The following COL27A1 variants were observed in gnomAD, a reference collection of about 807,000 sequenced individuals.
The protein encoded by COL27A1 is collagen type XXVII alpha 1 chain.
COL27A1 carries 106 observed loss-of-function variants against 251.3 expected under a neutral mutation model. The observed-to-expected ratio is 0.42, with a 90% CI of 0.36 to 0.50. The LOEUF is 0.50. Ranked by LOEUF, COL27A1 falls within the 20% of genes least tolerant of loss-of-function variation. The probability of loss-of-function intolerance (pLI) is 0.00; values close to 1 mark genes in which losing one functional copy is unlikely to be tolerated. For synonymous variants in COL27A1, 1,000 were observed against 986.3 expected (o/e 1.01, Z -0.26); for missense variants, 2,325 against 2,522.8 (o/e 0.92, Z 1.68).
Position 114,168,716 on chromosome 9 carries a change from TA to T in COL27A1, c.1162del (p.Thr388ProfsTer70). 6.2e-7 allele frequency: 1 copy of T among 1,614,038 alleles called. No homozygotes were observed. The highest frequency in any genetic ancestry group is 1.1e-5 in the South Asian group (1 of 91,082). ...TTGTGCCCATCAAAAGCCCCCATCC[TA>T]CCCAGAAAACAGCTCCATCTTCATT... Reference protein sequence around the residue: ...SIVPIKSPHPTQKTAPSSFTK... With the variant: ...SIVPIKSPHPXQKTAPSSFTK... On this transcript the variant is annotated frameshift_variant, in exon 3 of 61. Coordinates refer to ENST00000356083, the MANE Select transcript of COL27A1 (RefSeq NM_032888.4). LOFTEE classifies it high-confidence loss of function.
At chr9:114,195,240 C>T (rs1168379973) in intron 6 of COL27A1, among the ~76,000 whole-genome samples, 2 of 152,220 alleles carry the variant, frequency 1.3e-5, no homozygotes, top group African/African-American at 4.8e-5. Context: ...TGGCTGCTTT[C>T]TTTGATTTCC....
intron 36 of COL27A1, chr9:114,273,622 C>T (rs1325964611): frequency 1.3e-5 from 2 of 152,440 alleles, no homozygotes; most frequent in Non-Finnish European, 2.9e-5. Context: ...TGCTCTCTCT[C>T]CTCTGGATGC....
intron 25 of COL27A1, 118 bp from the exon 26 acceptor site, chr9:114,252,475 G>C: frequency 1.2e-6 from 1 of 822,282 alleles, no homozygotes; most frequent in Non-Finnish European, 2.1e-6. Flanking sequence ...ACCCTCTAGA[G>C]ACCTTGAGCA....
At position 114,306,624 on chromosome 9, in the gene COL27A1, C is replaced by T. The variant is rs1421474403; in HGVS notation, c.5043C>T (p.Gly1681=). ...NLIQSIKTPL[G]TKENPARVCR... is the part of the protein sequence containing the mutation. ...TCCAGAGCATTAAGACGCCCCTGGGCACCAAAGAGAACCCCGCCCGGGTCT... is the reference window on the plus strand; with the variant it reads ...TCCAGAGCATTAAGACGCCCCTGGGTACCAAAGAGAACCCCGCCCGGGTCT... The change falls in exon 58 of 61, where the codon GGC becomes GGT. Residue 1681 remains glycine, a synonymous_variant. Transcript: ENST00000356083. 2 of 1,614,054 alleles carry T rather than the reference C, an allele frequency of 1.2e-6. No homozygotes were observed. The highest frequency in any genetic ancestry group is 1.3e-5 in the African/African-American group (1 of 74,924).
At chr9:114,173,078 G>A (rs571462495) in intron 3 of COL27A1, among the ~76,000 whole-genome samples, 7 of 152,374 alleles carry the variant, frequency 4.6e-5, no homozygotes, top group Admixed American at 3.3e-4. Context: ...AGTTGTAGCT[G>A]CTGAGTGAGG....
rs772140061 is a variant in COL27A1, at chr9:114,301,407, G to A, written c.4792-38G>A. 5.0e-6 allele frequency: 8 copies of A among 1,611,950 alleles called. No homozygotes were observed. The South Asian group carries it at 8.8e-5, about 18-fold the overall frequency. ...CAGAGTTGGGCCATGGCTCAGCCAG[G>A]TTCCCTAACTCTCTCCCCTGCTTCT... On this transcript the variant is annotated intron_variant, in intron 53 of 60. Coordinates refer to ENST00000356083, the MANE Select transcript of COL27A1 (RefSeq NM_032888.4).
At chr9:114,308,424 T>C (rs1829212566) in intron 59 of COL27A1, among the ~76,000 whole-genome samples, 1 of 152,240 alleles carries the variant, frequency 6.6e-6, no homozygotes, top group Admixed American at 6.5e-5. Context: ...CCCTAGGAGA[T>C]GCCTTGTGCT....
rs1294896380 is a variant in COL27A1, at chr9:114,311,163, CAAA to C, written c.*471_*473del. 1 of 152,204 alleles carries C rather than the reference CAAA, an allele frequency of 6.6e-6. No homozygotes were observed. Among genetic ancestry groups the C allele is most frequent in the Non-Finnish European group, 1.5e-5 (1 of 68,224 alleles). 9.4% of individuals were successfully genotyped at this position (152,204 alleles called of 1,614,324 possible). On this transcript the variant is annotated 3_prime_UTR_variant, in exon 61 of 61. Transcript: ENST00000356083. ...TGTATATATATATTATTTAAACAAA[CAAA>C]AAGAAGGTGCGTTACTATTTTTTTT...
intron 36 of COL27A1, chr9:114,271,940 C>T (rs62555429): frequency 0.16 from 24,116 of 152,120 alleles, 2,096 homozygotes; most frequent in African/African-American, 0.18. Context: ...CTTGCAAGAG[C>T]GAGAGCACCC....
chr9:114,187,564 G>C (rs1828459549), intron 5 of COL27A1, among the ~76,000 whole-genome samples: 1 of 152,252 alleles, frequency 6.6e-6, no homozygotes, highest in African/African-American at 2.4e-5. Flanking sequence ...ACCCTCAACT[G>C]TCTGACCTCA....
At chr9:114,261,661 G>T (rs1478079008) in intron 28 of COL27A1, among the ~76,000 whole-genome samples, 1 of 152,208 alleles carries the variant, frequency 6.6e-6, no homozygotes, top group Non-Finnish European at 1.5e-5. Context: ...CCAGGCCCCA[G>T]TGTGCAGCCT....
intron 5 of COL27A1, among the ~76,000 whole-genome samples, chr9:114,185,138 G>A (rs573199879): frequency 3.9e-5 from 6 of 152,130 alleles, no homozygotes; most frequent in East Asian, 1.9e-4. Context: ...GTTTCTCCTC[G>A]CATTTTGAAC....
intron 59 of COL27A1, among the ~76,000 whole-genome samples, chr9:114,308,307 G>T (rs1829202033): frequency 6.6e-6 from 1 of 152,168 alleles, no homozygotes; most frequent in Non-Finnish European, 1.5e-5. Flanking sequence ...GTGGATTGTG[G>T]GTCTGTAGTT....
In COL27A1 at chr9:114,245,799, G is replaced by A. The variant is rs1833089379; in HGVS notation, c.2935-67G>A. 2.7e-6 allele frequency: 4 copies of A among 1,488,092 alleles called. No homozygotes were observed. In the South Asian group the frequency reaches 4.5e-5, roughly 17 times the overall value. 92.2% of individuals were successfully genotyped at this position (1,488,092 alleles called of 1,614,324 possible). A position where few individuals can be genotyped will look rare whatever the true frequency, so the allele number is the denominator to read the frequency against. Reference sequence around the variant, plus strand: ...TGGCAGCTAAGGCCAGCAGGCCTGGGACTTCCCCAGGAGGTCTAGACTTTC... The same window carrying A: ...TGGCAGCTAAGGCCAGCAGGCCTGGAACTTCCCCAGGAGGTCTAGACTTTC... On this transcript the variant is annotated intron_variant, in intron 23 of 60. Coordinates refer to ENST00000356083, the MANE Select transcript of COL27A1 (RefSeq NM_032888.4).
chr9:114,268,584 G>A lies in COL27A1; in HGVS notation c.3502-657G>A, dbSNP rs913429261. Reference sequence around the variant, plus strand: ...AGGCTCCTGGAACCAGACTGCCCAGGTTCGGATCATGAATCTGTCACTGAA... The same window carrying A: ...AGGCTCCTGGAACCAGACTGCCCAGATTCGGATCATGAATCTGTCACTGAA... On this transcript the variant is annotated intron_variant, in intron 34 of 60. Transcript: ENST00000356083. Among the ~76,000 whole-genome samples the A allele has an allele frequency of 3.3e-5, 5 of 152,314 alleles. 1 individual carries two copies. In the East Asian group the frequency reaches 5.8e-4, roughly 18 times the overall value.
In COL27A1 at chr9:114,290,377, A is replaced by G. The variant is rs988070753; in HGVS notation, c.4368+46A>G. On this transcript the variant is annotated intron_variant, in intron 47 of 60. Coordinates refer to ENST00000356083, the MANE Select transcript of COL27A1 (RefSeq NM_032888.4). The surrounding 1 kb of genome is among the most constrained non-coding windows in gnomAD (Gnocchi z 4.6). ...ACAGATGGTGGCTCCATTTGGGACC[A>G]GGTGTAGGGGAACTTCCCCAGGCCA... 5 of 1,489,236 alleles carry G rather than the reference A, an allele frequency of 3.4e-6. No homozygotes were observed. The African/African-American group carries it at 4.2e-5, about 12-fold the overall frequency. The allele number at this position is 1,489,236 out of a possible 1,614,324, so 92.3% of individuals were successfully genotyped here.
At chr9:114,175,163 G>A (rs1332557322) in intron 3 of COL27A1, among the ~76,000 whole-genome samples, 1 of 152,192 alleles carries the variant, frequency 6.6e-6, no homozygotes, top group African/African-American at 2.4e-5. Context: ...GGTCTGCTTG[G>A]TTGTTTCCAT....
intron 14 of COL27A1, among the ~76,000 whole-genome samples, chr9:114,230,615 C>G (rs1261298344): frequency 1.3e-5 from 2 of 152,108 alleles, no homozygotes; most frequent in Non-Finnish European, 2.9e-5. Flanking sequence ...TACTTGCTGC[C>G]CTCCTCAGAG....
At chr9:114,217,850 A>T (rs1189957621) in intron 12 of COL27A1, 1 of 469,946 alleles carries the variant, frequency 2.1e-6, no homozygotes. Flanking sequence ...GCCATGGCTC[A>T]CACCTGTAAT....
Sources: gnomAD v4.1 joint callset for allele counts (sites outside exome capture counted in the v4.1 genomes callset) on GRCh38, gnomAD v4.1.1 for gene constraint, Gnocchi (gnomAD v3.1) non-coding constraint, MANE v1.5 for transcripts, NCBI Gene and HGNC (gene_info 2026-07-23, HGNC 2026-07-21) for gene names.